Variants in LUC7L3 observed in about 807,000 individuals in gnomAD.
LUC7L3 encodes luc7-like protein 3.
LUC7L3 carries 6 observed loss-of-function variants against 66.8 expected under a neutral mutation model. That is an observed-to-expected ratio of 0.09 (90% CI 0.05 to 0.18). LUC7L3 has a LOEUF of 0.18. Among genes scored for constraint, LUC7L3 ranks in the 10% least tolerant of loss-of-function variants. LUC7L3 has a pLI of 1.00. For missense variants in LUC7L3, 341 were observed against 531.1 expected (o/e 0.64, Z 3.52); for synonymous variants, 160 against 174.7 (o/e 0.92, Z 0.66).
intron 2 of LUC7L3, 66 bp from the exon 3 acceptor site, chr17:50,740,240 T>TC: frequency 8.1e-7 from 1 of 1,241,402 alleles, no homozygotes; most frequent in Non-Finnish European, 1.1e-6. Flanking sequence ...AATAACTCTT[T>TC]TTTTTTGGCA....
chr17:50,749,654 A>G (rs1034303759), intron 9 of LUC7L3, among the ~76,000 whole-genome samples: 2 of 152,202 alleles, frequency 1.3e-5, no homozygotes, highest in African/African-American at 2.4e-5. Flanking sequence ...CAGACCAGCT[A>G]TTCTTAGTAA....
At chr17:50,730,529 A>AAAAAAAAAAAAAAAAG (rs1567861403) in intron 1 of LUC7L3, among the ~76,000 whole-genome samples, 7 of 150,924 alleles carry the variant, frequency 4.6e-5, no homozygotes, top group African/African-American at 1.7e-4. Flanking sequence ...AAAAAAAAAA[A>AAAAAAAAAAAAAAAAG]AAAAAAAAAG....
chr17:50,746,538 TAAG>T lies in LUC7L3; in HGVS notation c.978_980del. Reference sequence around the variant, plus strand: ...AAGTTGCCTTTTGGTTTTAAATTATTAAGAAGTAGAGATCGACGAAGAAGCAGA... The same window carrying T: ...AAGTTGCCTTTTGGTTTTAAATTATTAAGTAGAGATCGACGAAGAAGCAGA... On this transcript the variant is annotated splice_acceptor_variant and splice_polypyrimidine_tract_variant and intron_variant, in intron 8 of 9. Coordinates refer to ENST00000505658, the MANE Select transcript of LUC7L3 (RefSeq NM_016424.5). LOFTEE classifies it high-confidence loss of function. 6 of 1,607,988 alleles carry T rather than the reference TAAG, an allele frequency of 3.7e-6. No individual in the cohort carries two copies. The highest frequency in any genetic ancestry group is 1.1e-5 in the South Asian group (1 of 89,718).
intron 1 of LUC7L3, among the ~76,000 whole-genome samples, chr17:50,736,008 C>T (rs1969962702): frequency 6.6e-6 from 1 of 152,144 alleles, no homozygotes; most frequent in African/African-American, 2.4e-5. Flanking sequence ...TGGCACATAC[C>T]TGTAATTCCA....
At chr17:50,737,604 A>G in intron 2 of LUC7L3, 1 of 223,050 alleles carries the variant, frequency 4.5e-6, no homozygotes, top group Non-Finnish European at 9.1e-6. Context: ...GGGGCTTTTC[A>G]TGCATTGTGG....
chr17:50,751,083 T>A lies in LUC7L3; in HGVS notation c.*422T>A. ...GTGTTGGTACATTGGCAGAGACATA[T>A]GCTTTAAAAACTTAAATATTTCGGA... On this transcript the variant is annotated 3_prime_UTR_variant, in exon 10 of 10. Coordinates refer to ENST00000505658, the MANE Select transcript of LUC7L3 (RefSeq NM_016424.5). 6.9e-7 allele frequency: 1 copy of A among 1,442,886 alleles called. No homozygotes were observed. Among genetic ancestry groups the A allele is most frequent in the East Asian group, 2.5e-5 (1 of 40,132 alleles). The allele number at this position is 1,442,886 out of a possible 1,614,324, so 89.4% of individuals were successfully genotyped here. A position where few individuals can be genotyped will look rare whatever the true frequency, so the allele number is the denominator to read the frequency against.
In LUC7L3 at chr17:50,719,640, TGA is replaced by T. The variant is rs762976988; in HGVS notation, c.-89_-88del. On this transcript the variant is annotated 5_prime_UTR_variant, in exon 1 of 10. Coordinates refer to ENST00000505658, the MANE Select transcript of LUC7L3 (RefSeq NM_016424.5). ...CCTGTGTGTAGGAGGGATTTCGGCC[TGA>T]GAGCGGGCCGAGGAGATTGGCGACG... 9.2e-7 allele frequency: 1 copy of T among 1,084,722 alleles called. No homozygotes were observed. The highest frequency in any genetic ancestry group is 1.4e-6 in the Non-Finnish European group (1 of 730,112). 67.2% of individuals were successfully genotyped at this position (1,084,722 alleles called of 1,614,324 possible).
Position 50,746,233 on chromosome 17 carries a change from A to G in LUC7L3, c.977+230A>G, listed in dbSNP as rs554529955. ...TTTCACCCAACCTTTTTACAAAGTT[A>G]GAGTACCTGATGGTCTCTTAAGTGC... On this transcript the variant is annotated intron_variant, in intron 8 of 9. Transcript: ENST00000505658. 2.0e-5 allele frequency among the ~76,000 whole-genome samples: 3 copies of G among 152,320 alleles called. No individual in the cohort carries two copies. In the East Asian group the frequency reaches 5.8e-4, roughly 29 times the overall value.
At chr17:50,750,370 C>G in intron 9 of LUC7L3, 131 bp from the exon 10 acceptor site, 1 of 834,268 alleles carries the variant, frequency 1.2e-6, no homozygotes, top group Non-Finnish European at 1.9e-6. Context: ...TTGGTAAATT[C>G]ACCAAACCGT....
At chr17:50,740,493 C>A in intron 3 of LUC7L3, 148 bp downstream of exon 3, 1 of 694,756 alleles carries the variant, frequency 1.4e-6, no homozygotes, top group Non-Finnish European at 2.5e-6. Context: ...AGTTCTATAG[C>A]TTCAGTAATG....
At chr17:50,740,165 G>T in intron 2 of LUC7L3, 141 bp from the exon 3 acceptor site, 1 of 627,554 alleles carries the variant, frequency 1.6e-6, no homozygotes, top group East Asian at 3.0e-5. Flanking sequence ...GATTTAGTAG[G>T]ATCAGTTTAG....
In LUC7L3 at chr17:50,744,874, C is replaced by T. The variant is rs999783603; in HGVS notation, c.693+61C>T. 5.0e-5 allele frequency: 70 copies of T among 1,386,980 alleles called. 2 individuals are homozygous for T. In the South Asian group the frequency reaches 7.0e-4, roughly 14 times the overall value. The allele number at this position is 1,386,980 out of a possible 1,614,324, so 85.9% of individuals were successfully genotyped here. A position where few individuals can be genotyped will look rare whatever the true frequency, so the allele number is the denominator to read the frequency against. ...CTCTGTCACCTAGAGTGCAGTGACG[C>T]GATCTCAGCTCACTGCCACCTCCAC... On this transcript the variant is annotated intron_variant, in intron 7 of 9. Transcript: ENST00000505658.
At chr17:50,743,556 A>C in intron 5 of LUC7L3, 150 bp from the exon 6 acceptor site, 2 of 588,732 alleles carry the variant, frequency 3.4e-6, no homozygotes. Flanking sequence ...AAGTATAAAA[A>C]AAATCCAGGA....
At chr17:50,747,218 T>C (rs1430159675) in intron 9 of LUC7L3, among the ~76,000 whole-genome samples, 1 of 141,748 alleles carries the variant, frequency 7.1e-6, no homozygotes, top group African/African-American at 2.8e-5. Flanking sequence ...CTTTACTTTT[T>C]CTTTTTTCTT....
intron 9 of LUC7L3, chr17:50,749,294 C>T: frequency 7.8e-7 from 1 of 1,289,386 alleles, no homozygotes; most frequent in Non-Finnish European, 1.0e-6. Flanking sequence ...ATTGAAGCTA[C>T]CTGTGCACCG....
At position 50,719,679 on chromosome 17, in the gene LUC7L3, G is replaced by C. The variant is rs2146672694; in HGVS notation, c.-54G>C. 1 of 1,474,072 alleles carries C rather than the reference G, an allele frequency of 6.8e-7. No homozygotes were observed. The highest frequency in any genetic ancestry group is 9.4e-7 in the Non-Finnish European group (1 of 1,064,762). 91.3% of individuals were successfully genotyped at this position (1,474,072 alleles called of 1,614,324 possible). A position where few individuals can be genotyped will look rare whatever the true frequency, so the allele number is the denominator to read the frequency against. The stretch of plus-strand genomic sequence containing the variant: ...GGAGATTGGCGACGGTGTCGCCCGT[G>C]TTTTCGTTGGCGGGTGCCTGGGCTG... On this transcript the variant is annotated 5_prime_UTR_variant, in exon 1 of 10. Transcript: ENST00000505658.
At position 50,740,965 on chromosome 17, in the gene LUC7L3, CAGAA is replaced by C. The variant is rs528489946; in HGVS notation, c.207-134_207-131del. ...GTAAAGCTCTATGATGAGGGGCAAT[CAGAA>C]AGTCACTTCAAATACACCTGGTTTA... On this transcript the variant is annotated intron_variant, in intron 3 of 9. Transcript: ENST00000505658. 1.7e-4 allele frequency: 133 copies of C among 804,938 alleles called. No homozygotes were observed. In the African/African-American group the frequency reaches 2.0e-3, roughly 12 times the overall value. 49.9% of individuals were successfully genotyped at this position (804,938 alleles called of 1,614,324 possible). A position where few individuals can be genotyped will look rare whatever the true frequency, so the allele number is the denominator to read the frequency against.
intron 6 of LUC7L3, 88 bp downstream of exon 6, chr17:50,743,898 G>A: frequency 2.0e-6 from 2 of 977,288 alleles, no homozygotes; most frequent in Non-Finnish European, 3.1e-6. Flanking sequence ...GAAAACTGAT[G>A]TTCCAAACTT....
chr17:50,722,664 T>G (rs993130109), intron 1 of LUC7L3: 1 of 152,220 alleles, frequency 6.6e-6, no homozygotes, highest in African/African-American at 2.4e-5. Flanking sequence ...GGGTAATAAG[T>G]GAGCAAGCAG....
Sources: gnomAD v4.1 joint callset for allele counts (sites outside exome capture counted in the v4.1 genomes callset) on GRCh38, gnomAD v4.1.1 for gene constraint, MANE v1.5 for transcripts, NCBI Gene and HGNC (gene_info 2026-07-23, HGNC 2026-07-21) for gene names.